Variants in LRRC7 observed in about 807,000 individuals in gnomAD.
LRRC7 encodes the protein leucine rich repeat containing 7.
LRRC7 carries 23 observed loss-of-function variants against 175.7 expected under a neutral mutation model. The ratio of observed to expected loss-of-function variants is 0.13; its 90% confidence interval spans 0.09 to 0.19. LRRC7 has a LOEUF of 0.19. Ranked by LOEUF, LRRC7 falls within the 10% of genes least tolerant of loss-of-function variation. LRRC7 has a pLI of 1.00. For missense variants in LRRC7, 1,354 were observed against 1,904.7 expected (o/e 0.71, Z 5.38); for synonymous variants, 685 against 680.9 (o/e 1.01, Z -0.09).
At chr1:70,071,831 A>G (rs924184534) in intron 23 of LRRC7, among the ~76,000 whole-genome samples, 2 of 152,200 alleles carry the variant, frequency 1.3e-5, no homozygotes, top group South Asian at 2.1e-4. Flanking sequence ...GTAACATAAT[A>G]TACTTCTTAG....
chr1:69,794,150 G>A (rs1675441061), intron 4 of LRRC7, among the ~76,000 whole-genome samples: 1 of 152,176 alleles, frequency 6.6e-6, no homozygotes, highest in Admixed American at 6.5e-5. Flanking sequence ...TGAATAAAGA[G>A]AGTATTTCAT....
At chr1:69,904,320 T>C (rs1466676249) in intron 7 of LRRC7, among the ~76,000 whole-genome samples, 1 of 152,056 alleles carries the variant, frequency 6.6e-6, no homozygotes, top group African/African-American at 2.4e-5. Context: ...GAATACTAAT[T>C]TGAAAAATGT....
chr1:69,779,853 T>C (rs1245230195), intron 3 of LRRC7, among the ~76,000 whole-genome samples: 1 of 152,200 alleles, frequency 6.6e-6, no homozygotes, highest in Non-Finnish European at 1.5e-5. Flanking sequence ...AGCTCCAATG[T>C]TACTTGATAC....
At chr1:70,007,835 A>G (rs1656124844) in intron 11 of LRRC7, among the ~76,000 whole-genome samples, 5 of 152,186 alleles carry the variant, frequency 3.3e-5, no homozygotes, top group Admixed American at 2.6e-4. Flanking sequence ...TTCCTCATTT[A>G]TGTATATAAG....
At chr1:69,708,067 T>C (rs1664268143) in intron 2 of LRRC7, among the ~76,000 whole-genome samples, 1 of 152,176 alleles carries the variant, frequency 6.6e-6, no homozygotes, top group African/African-American at 2.4e-5. Context: ...GCTTCACCAG[T>C]CCTTCTGCCT....
At chr1:70,019,981 A>T (rs1657314398) in intron 15 of LRRC7, among the ~76,000 whole-genome samples, 1 of 152,084 alleles carries the variant, frequency 6.6e-6, no homozygotes, top group Admixed American at 6.6e-5. Flanking sequence ...ATGATCTCAC[A>T]GATTGAATCC....
At chr1:70,051,120 A>G (rs758285746) in intron 22 of LRRC7, among the ~76,000 whole-genome samples, 1 of 152,042 alleles carries the variant, frequency 6.6e-6, no homozygotes, top group Non-Finnish European at 1.5e-5. Flanking sequence ...AAAGGATTTC[A>G]CATTTTTTAA....
At chr1:69,798,809 T>G (rs1676110174) in intron 4 of LRRC7, among the ~76,000 whole-genome samples, 1 of 152,138 alleles carries the variant, frequency 6.6e-6, no homozygotes, top group Non-Finnish European at 1.5e-5. Context: ...AGATTTGCCT[T>G]TGGTGTTAGT....
intron 7 of LRRC7, among the ~76,000 whole-genome samples, chr1:69,889,115 C>G (rs2101637723): frequency 6.6e-6 from 1 of 152,292 alleles, no homozygotes; most frequent in African/African-American, 2.4e-5. Context: ...TTCTAACAAT[C>G]TTCTGATGCT....
chr1:69,989,790 C>T (rs575086468), intron 10 of LRRC7, among the ~76,000 whole-genome samples: 1 of 152,158 alleles, frequency 6.6e-6, no homozygotes, highest in East Asian at 1.9e-4. Context: ...TAAATGCATA[C>T]ACATAGTGCT....
intron 7 of LRRC7, among the ~76,000 whole-genome samples, chr1:69,845,127 T>C (rs1185417056): frequency 6.6e-6 from 1 of 152,010 alleles, no homozygotes; most frequent in Non-Finnish European, 1.5e-5. Flanking sequence ...GGTGTGTGCC[T>C]GTATTCCCAG....
chr1:69,783,642 C>G (rs570465310), intron 3 of LRRC7, among the ~76,000 whole-genome samples: 1 of 151,314 alleles, frequency 6.6e-6, no homozygotes, highest in South Asian at 2.1e-4. Flanking sequence ...ATCCCAGCTA[C>G]CCAGGAGGCT....
intron 21 of LRRC7, among the ~76,000 whole-genome samples, chr1:70,041,051 G>T (rs563049817): frequency 6.6e-5 from 10 of 152,212 alleles, no homozygotes; most frequent in Non-Finnish European, 1.5e-4. Context: ...GAATCTTAAA[G>T]ATCTTTTTGG....
intron 7 of LRRC7, among the ~76,000 whole-genome samples, chr1:69,930,737 G>A (rs1647285230): frequency 6.6e-6 from 1 of 152,194 alleles, no homozygotes. Context: ...CAGGCTTCAG[G>A]AAACTTAAAA....
At position 70,121,893 on chromosome 1, in the gene LRRC7, T is replaced by A. The variant is rs776345666; in HGVS notation, c.*6T>A. 3 of 1,570,926 alleles carry A rather than the reference T, an allele frequency of 1.9e-6. No homozygotes were observed. The South Asian group carries it at 3.4e-5, about 18-fold the overall frequency. ...AACGTGAGCTTACTGTCTAAATATT[T>A]TTTATAAATAGTGAAGATACGTCTA... On this transcript the variant is annotated 3_prime_UTR_variant, in exon 27 of 27. Coordinates refer to ENST00000651989, the MANE Select transcript of LRRC7 (RefSeq NM_001370785.2).
chr1:69,589,153 T>TGC (rs1486744565), intron 1 of LRRC7, among the ~76,000 whole-genome samples: 12 of 138,128 alleles, frequency 8.7e-5, no homozygotes, highest in African/African-American at 3.0e-4. Context: ...TGTGTGTGTG[T>TGC]ATGTCTGTGT....
chr1:70,132,457 C>CTTTTTTTTTT lies in LRRC7; in HGVS notation c.*10587_*10596dup, dbSNP rs149091576. On this transcript the variant is annotated 3_prime_UTR_variant, in exon 27 of 27. Coordinates refer to ENST00000651989, the MANE Select transcript of LRRC7 (RefSeq NM_001370785.2). Reference sequence around the variant, plus strand: ...TTTCTTTTTTCTTTTCTTTTCTTTTCTTTTTTTTTTTTTTTTTTTTTTTTT... The same window carrying CTTTTTTTTTT: ...TTTCTTTTTTCTTTTCTTTTCTTTTCTTTTTTTTTTTTTTTTTTTTTTTTTTTTTTTTTTT... Among the ~76,000 whole-genome samples, 13 of 76,450 alleles carry CTTTTTTTTTT rather than the reference C, an allele frequency of 1.7e-4. No individual in the cohort carries two copies. The highest frequency in any genetic ancestry group is 8.7e-4 in the East Asian group (2 of 2,308). 50.2% of individuals were successfully genotyped at this position (76,450 alleles called of 152,430 possible). A position where few individuals can be genotyped will look rare whatever the true frequency, so the allele number is the denominator to read the frequency against.
intron 8 of LRRC7, among the ~76,000 whole-genome samples, chr1:69,978,276 C>A (rs1653037361): frequency 6.9e-6 from 1 of 145,688 alleles, no homozygotes; most frequent in Non-Finnish European, 1.5e-5. Flanking sequence ...GAGTGAGACT[C>A]CGTCGTCTGC....
At chr1:70,061,644 T>C (rs974569659) in intron 23 of LRRC7, among the ~76,000 whole-genome samples, 3 of 152,260 alleles carry the variant, frequency 2.0e-5, no homozygotes, top group Admixed American at 1.3e-4. Context: ...TAAACAGAAA[T>C]TATGCAGTTT....
Sources: gnomAD v4.1 joint callset for allele counts (sites outside exome capture counted in the v4.1 genomes callset) on GRCh38, gnomAD v4.1.1 for gene constraint, MANE v1.5 for transcripts, NCBI Gene and HGNC (gene_info 2026-07-23, HGNC 2026-07-21) for gene names.